The following PHACTR1 variants were observed in gnomAD, a reference collection of about 807,000 sequenced individuals.
PHACTR1 encodes the protein RPEL repeat containing 1.
PHACTR1 carries 16 observed loss-of-function variants against 69.2 expected under a neutral mutation model. The observed-to-expected ratio is 0.23, with a 90% CI of 0.16 to 0.35. The LOEUF is 0.35. Ranked by LOEUF, PHACTR1 falls within the 10% of genes least tolerant of loss-of-function variation. The pLI is 1.00. For synonymous variants in PHACTR1, 312 were observed against 284.5 expected (o/e 1.10, Z -0.97); for missense variants, 510 against 734.7 (o/e 0.69, Z 3.54).
intron 5 of PHACTR1, among the ~76,000 whole-genome samples, chr6:13,101,192 CT>C (rs1425803523): frequency 6.6e-6 from 1 of 152,224 alleles, no homozygotes; most frequent in African/African-American, 2.4e-5. Flanking sequence ...TTTTGAGGGC[CT>C]TGATGCTGTG....
intron 5 of PHACTR1, among the ~76,000 whole-genome samples, chr6:13,053,975 G>C (rs994120461): frequency 3.4e-5 from 5 of 147,362 alleles, no homozygotes; most frequent in African/African-American, 1.3e-4. Flanking sequence ...AGTGATTCTT[G>C]GACATAGCAG....
At chr6:13,100,198 A>G (rs1443357548) in intron 5 of PHACTR1, among the ~76,000 whole-genome samples, 1 of 152,218 alleles carries the variant, frequency 6.6e-6, no homozygotes, top group African/African-American at 2.4e-5. Context: ...AGTTTAGTAT[A>G]AGTTTTGGGG....
intron 5 of PHACTR1, among the ~76,000 whole-genome samples, chr6:13,121,794 C>A (rs1818779794): frequency 6.6e-6 from 1 of 152,138 alleles, no homozygotes; most frequent in Non-Finnish European, 1.5e-5. Flanking sequence ...CTGCAGCAAT[C>A]TTCATGGAAA....
At chr6:12,887,720 A>G (rs969321519) in intron 4 of PHACTR1, among the ~76,000 whole-genome samples, 4 of 152,278 alleles carry the variant, frequency 2.6e-5, no homozygotes, top group African/African-American at 7.2e-5. Context: ...CTCAGGAAGC[A>G]TATTGTTATG....
rs1562108390 is a variant in PHACTR1 at position 13,275,357 on chromosome 6, T to A, written c.1447+2442T>A. The A allele has an allele frequency of 1.3e-5, 2 of 152,462 alleles. No individual in the cohort carries two copies. The highest frequency in any genetic ancestry group is 2.4e-5 in the African/African-American group (1 of 41,592). 9.4% of individuals were successfully genotyped at this position (152,462 alleles called of 1,614,324 possible). A position where few individuals can be genotyped will look rare whatever the true frequency, so the allele number is the denominator to read the frequency against. On this transcript the variant is annotated intron_variant, in intron 11 of 14. Transcript: ENST00000332995. The surrounding 1 kb of genome is among the most constrained non-coding windows in gnomAD (Gnocchi z 4.0). The stretch of plus-strand genomic sequence containing the variant: ...TCTTCCTAGTTGCCTAATGGGGTTG[T>A]CTTGGTACCTTCTGCCTGAAAATTC...
chr6:12,897,086 A>C (rs1350318756), intron 4 of PHACTR1, among the ~76,000 whole-genome samples: 1 of 152,196 alleles, frequency 6.6e-6, no homozygotes, highest in Non-Finnish European at 1.5e-5. Context: ...AGGGATGATC[A>C]CACACATCCT....
intron 4 of PHACTR1, among the ~76,000 whole-genome samples, chr6:12,969,834 G>T (rs374040922): frequency 1.4e-4 from 22 of 152,050 alleles, no homozygotes; most frequent in Non-Finnish European, 3.1e-4. Context: ...ATGGTGGCAC[G>T]CGCCTATAAT....
rs16873711 is a variant in PHACTR1 at position 13,184,235 on chromosome 6, C to T, written c.664+1549C>T. 2.4e-4 allele frequency among the ~76,000 whole-genome samples: 36 copies of T among 152,114 alleles called. 1 individual carries two copies. Among genetic ancestry groups the T allele is most frequent in the Admixed American group, 2.2e-3 (33 of 15,278 alleles). ...GTGCAGCCTATGAGGTGTCAGCGTTCCAGGCTGTCATCTGTACCCAGTGTC... is the reference window on the plus strand; with the variant it reads ...GTGCAGCCTATGAGGTGTCAGCGTTTCAGGCTGTCATCTGTACCCAGTGTC... On this transcript the variant is annotated intron_variant, in intron 7 of 14. Transcript: ENST00000332995.
At chr6:13,229,663 T>C (rs189267164) in intron 9 of PHACTR1, among the ~76,000 whole-genome samples, 147 of 152,304 alleles carry the variant, frequency 9.7e-4, no homozygotes, top group Admixed American at 2.4e-3. Flanking sequence ...TCATCTCTGC[T>C]TCAGGTGTCA....
rs114146538 is a variant in PHACTR1, at chr6:12,988,412, A to T, written c.251-64953A>T. ...GTGAAAACTGTCTGGATGCCATGCT[A>T]AATATTCATAATGAAGTATTGAAGC... On this transcript the variant is annotated intron_variant, in intron 4 of 14. Transcript: ENST00000332995. Among the ~76,000 whole-genome samples the T allele has an allele frequency of 3.8e-3, 581 of 152,322 alleles. 5 individuals are homozygous for T. The highest frequency in any genetic ancestry group is 0.013 in the African/African-American group (555 of 41,578).
intron 4 of PHACTR1, among the ~76,000 whole-genome samples, chr6:12,794,850 G>A (rs757685110): frequency 3.9e-5 from 6 of 152,252 alleles, no homozygotes; most frequent in African/African-American, 7.2e-5. Context: ...AGTGGGGAAC[G>A]TAGAGGGGAG....
chr6:13,025,671 T>TTGTGTGTGTGTGTGTG (rs60800778), intron 4 of PHACTR1, among the ~76,000 whole-genome samples: 49 of 140,312 alleles, frequency 3.5e-4, no homozygotes, highest in African/African-American at 1.1e-3. Context: ...CATATATTAT[T>TTGTGTGTGTGTGTGTG]TGTGTGTGTG....
intron 13 of PHACTR1, among the ~76,000 whole-genome samples, chr6:13,285,748 TG>T (rs1781541993): frequency 6.6e-6 from 1 of 152,254 alleles, no homozygotes; most frequent in Admixed American, 6.5e-5. Context: ...CCACGCCTTC[TG>T]GAAGTCTCCA....
chr6:12,903,761 C>T (rs1319019025), intron 4 of PHACTR1, among the ~76,000 whole-genome samples: 2 of 152,164 alleles, frequency 1.3e-5, no homozygotes, highest in African/African-American at 4.8e-5. Flanking sequence ...ATATTTTCCA[C>T]GAGCTGAGTT....
chr6:12,769,679 G>A (rs1434344759), intron 4 of PHACTR1, among the ~76,000 whole-genome samples: 2 of 152,254 alleles, frequency 1.3e-5, no homozygotes, highest in African/African-American at 4.8e-5. Flanking sequence ...GGCCCAGTCA[G>A]CCCAGGATGC....
At chr6:13,163,253 A>C (rs951194330) in intron 6 of PHACTR1, among the ~76,000 whole-genome samples, 2 of 152,234 alleles carry the variant, frequency 1.3e-5, no homozygotes, top group African/African-American at 4.8e-5. Flanking sequence ...CAAAAAAGGA[A>C]ATAAATAAGT....
In PHACTR1 at chr6:12,990,268, C is replaced by T. The variant is rs1582857195; in HGVS notation, c.251-63097C>T. Among the ~76,000 whole-genome samples, 3 of 152,184 alleles carry T rather than the reference C, an allele frequency of 2.0e-5. No homozygotes were observed. In the South Asian group the frequency reaches 6.2e-4, roughly 32 times the overall value. On this transcript the variant is annotated intron_variant, in intron 4 of 14. Coordinates refer to ENST00000332995, the MANE Select transcript of PHACTR1 (RefSeq NM_030948.6). ...GGGATACTCTTCAACCTTCCAATAC[C>T]ATTCCACCCACCCCCAGCCTTGAGA...
intron 4 of PHACTR1, among the ~76,000 whole-genome samples, chr6:12,962,277 T>C (rs143696205): frequency 2.0e-3 from 310 of 152,260 alleles, no homozygotes; most frequent in Middle Eastern, 6.8e-3. Flanking sequence ...CTCACCCTTA[T>C]GACCCCATTT....
intron 4 of PHACTR1, among the ~76,000 whole-genome samples, chr6:12,827,027 C>T (rs1397444511): frequency 2.0e-5 from 3 of 152,232 alleles, no homozygotes; most frequent in Admixed American, 6.5e-5. Context: ...GGGATACCCA[C>T]TTTCCCTCAC....
Sources: allele counts gnomAD v4.1 joint callset (sites outside exome capture counted in the v4.1 genomes callset), GRCh38; gene constraint gnomAD v4.1.1; non-coding constraint Gnocchi (gnomAD v3.1); transcripts MANE v1.5; gene names NCBI Gene and HGNC (gene_info 2026-07-23, HGNC 2026-07-21).